Variants in SHISA9 observed in about 807,000 individuals in gnomAD.
SHISA9 encodes shisa family member 9.
SHISA9 carries 13 observed loss-of-function variants against 38.0 expected under a neutral mutation model. The ratio of observed to expected loss-of-function variants is 0.34; its 90% CI spans 0.22 to 0.54. The LOEUF (loss-of-function observed/expected upper bound fraction) is 0.54. SHISA9 is among the 20% of genes least tolerant of loss of function. The probability of loss-of-function intolerance (pLI) is 0.91; values close to 1 mark genes in which losing one functional copy is unlikely to be tolerated. For synonymous variants in SHISA9, 275 were observed against 242.0 expected, an observed-to-expected ratio of 1.14 and a Z score of -1.27; for missense variants, 538 against 575.8, an observed-to-expected ratio of 0.93 and a Z score of 0.67.
At chr16:13,436,224 C>A in the SHISA9 span, among the ~76,000 whole-genome samples, 178 of 152,278 alleles carry the variant, frequency 1.2e-3, 1 homozygote, top group African/African-American at 4.2e-3. Context: ...GTCACAAAGA[C>A]CCTGCTAGTA....
At chr16:13,292,077 G>A in the SHISA9 span, among the ~76,000 whole-genome samples, 1 of 151,328 alleles carries the variant, frequency 6.6e-6, no homozygotes, top group African/African-American at 2.4e-5. Context: ...TCTTCTGCTT[G>A]AAAATGTAAT....
Position 12,967,393 on chromosome 16 carries a change from A to G in SHISA9, c.691+50578A>G, listed in dbSNP as rs140603615. Among the ~76,000 whole-genome samples the G allele has an allele frequency of 7.4e-3, 1,131 of 152,162 alleles. 22 individuals are homozygous for G. Among genetic ancestry groups the G allele is most frequent in the African/African-American group, 0.025 (1,055 of 41,512 alleles). On this transcript the variant is annotated intron_variant, in intron 2 of 4. Coordinates refer to ENST00000558583, the MANE Select transcript of SHISA9 (RefSeq NM_001145204.3). ...ATGGACACAGGAAGGGGAACATCAC[A>G]TACCAGGGACTGTTGTGGGGTTGGG...
the SHISA9 span, among the ~76,000 whole-genome samples, chr16:13,337,387 C>A: frequency 7.2e-5 from 11 of 152,126 alleles, no homozygotes; most frequent in African/African-American, 2.7e-4. Flanking sequence ...CCGTGTGAGA[C>A]GTGCCTTTCA....
chr16:13,340,142 T>C, the SHISA9 span, among the ~76,000 whole-genome samples: 1 of 152,328 alleles, frequency 6.6e-6, no homozygotes, highest in East Asian at 1.9e-4. Context: ...TGGGACTAAT[T>C]GACAGCATGG....
At chr16:13,350,716 A>C in the SHISA9 span, 1 of 152,110 alleles carries the variant, frequency 6.6e-6, no homozygotes, top group African/African-American at 2.4e-5. Context: ...CTCCAAGATG[A>C]CCCTAAGCTG....
intron 2 of SHISA9, among the ~76,000 whole-genome samples, chr16:13,004,460 C>T (rs1260352905): frequency 6.6e-6 from 1 of 152,134 alleles, no homozygotes; most frequent in Admixed American, 6.5e-5. Context: ...TGATTTTATT[C>T]TAAAAGTGCT....
At chr16:13,002,931 A>T (rs528694330) in intron 2 of SHISA9, among the ~76,000 whole-genome samples, 5 of 152,212 alleles carry the variant, frequency 3.3e-5, no homozygotes, top group Admixed American at 3.3e-4. Context: ...TGCTGCAGAC[A>T]TAGAATTAAT....
the SHISA9 span, among the ~76,000 whole-genome samples, chr16:13,487,066 C>T: frequency 1.3e-5 from 2 of 152,286 alleles, no homozygotes; most frequent in African/African-American, 4.8e-5. Flanking sequence ...AAGTAGTTGC[C>T]AGCCCATTTT....
At chr16:13,289,884 T>G in the SHISA9 span, among the ~76,000 whole-genome samples, 2 of 152,226 alleles carry the variant, frequency 1.3e-5, no homozygotes, top group African/African-American at 4.8e-5. Context: ...GTTTATACTT[T>G]CTAATAATAT....
chr16:13,518,466 A>G, the SHISA9 span, among the ~76,000 whole-genome samples: 3 of 152,000 alleles, frequency 2.0e-5, no homozygotes, highest in Admixed American at 6.5e-5. Flanking sequence ...TTTTTTTGCT[A>G]TCATCTTTTT....
chr16:13,164,478 A>G (rs1021214151), intron 2 of SHISA9, among the ~76,000 whole-genome samples: 1 of 152,024 alleles, frequency 6.6e-6, no homozygotes, highest in African/African-American at 2.4e-5. Context: ...TATCAGGGTA[A>G]TGCTGGCTTT....
chr16:13,095,223 T>C (rs939002378), intron 2 of SHISA9, among the ~76,000 whole-genome samples: 8 of 152,244 alleles, frequency 5.3e-5, no homozygotes, highest in Non-Finnish European at 1.0e-4. Flanking sequence ...CTACTTGAAA[T>C]GCTTTTCATT....
chr16:13,561,168 T>G, the SHISA9 span, among the ~76,000 whole-genome samples: 2 of 152,114 alleles, frequency 1.3e-5, no homozygotes, highest in African/African-American at 4.8e-5. Flanking sequence ...CGCCTGGCCT[T>G]AACATCTTTT....
At chr16:13,037,948 C>T (rs1297417398) in intron 2 of SHISA9, among the ~76,000 whole-genome samples, 2 of 152,086 alleles carry the variant, frequency 1.3e-5, no homozygotes, top group Non-Finnish European at 2.9e-5. Context: ...CTTGGGGATC[C>T]CTGAAAGCAT....
At chr16:13,465,881 C>T in the SHISA9 span, among the ~76,000 whole-genome samples, 2 of 152,258 alleles carry the variant, frequency 1.3e-5, no homozygotes, top group African/African-American at 4.8e-5. Flanking sequence ...ACAGGCAAAT[C>T]CATTTAGGTA....
At chr16:13,141,683 A>G (rs1178371131) in intron 2 of SHISA9, among the ~76,000 whole-genome samples, 4 of 151,654 alleles carry the variant, frequency 2.6e-5, no homozygotes, top group Non-Finnish European at 5.9e-5. Context: ...CTCCATCTCA[A>G]ATATATATAT....
chr16:13,501,652 C>T, the SHISA9 span, among the ~76,000 whole-genome samples: 1 of 152,220 alleles, frequency 6.6e-6, no homozygotes, highest in Non-Finnish European at 1.5e-5. Context: ...GCTTTATTTA[C>T]TATTGTATGC....
At chr16:13,271,834 C>T in the SHISA9 span, among the ~76,000 whole-genome samples, 1 of 152,038 alleles carries the variant, frequency 6.6e-6, no homozygotes, top group Non-Finnish European at 1.5e-5. Flanking sequence ...GTAATCCCAG[C>T]ACTCTGGGAG....
the SHISA9 span, among the ~76,000 whole-genome samples, chr16:13,531,072 T>A: frequency 6.6e-6 from 1 of 152,194 alleles, no homozygotes; most frequent in African/African-American, 2.4e-5. Context: ...TGTATTATCA[T>A]TGATGCCCTG....
Sources: allele counts gnomAD v4.1 joint callset (sites outside exome capture counted in the v4.1 genomes callset), GRCh38; gene constraint gnomAD v4.1.1; transcripts MANE v1.5; gene names NCBI Gene and HGNC (gene_info 2026-07-23, HGNC 2026-07-21).